The following HS3ST2 variants were observed in gnomAD, a reference collection of about 807,000 sequenced individuals.
HS3ST2 encodes heparan sulfate glucosamine 3-O-sulfotransferase 2.
HS3ST2 carries 17 observed loss-of-function variants against 26.3 expected under a neutral mutation model. The observed-to-expected ratio is 0.65, with a 90% CI of 0.44 to 0.97. The LOEUF is 0.97. Among genes scored for constraint, HS3ST2 ranks in the 50% least tolerant of loss-of-function variants. HS3ST2 has a pLI of 0.00. For synonymous variants in HS3ST2, 237 were observed against 219.2 expected, an observed-to-expected ratio of 1.08 and a Z score of -0.72; for missense variants, 402 against 501.2, an observed-to-expected ratio of 0.80 and a Z score of 1.89.
At chr16:22,875,111 G>A (rs1274394472) in intron 1 of HS3ST2, among the ~76,000 whole-genome samples, 2 of 152,128 alleles carry the variant, frequency 1.3e-5, no homozygotes, top group Non-Finnish European at 2.9e-5. Flanking sequence ...CTAGGGTAAT[G>A]TGTGTGTTTG....
chr16:22,838,360 A>C (rs898463000), intron 1 of HS3ST2, among the ~76,000 whole-genome samples: 2 of 152,022 alleles, frequency 1.3e-5, no homozygotes, highest in African/African-American at 2.4e-5. Flanking sequence ...CTGGAGTTGC[A>C]CCTTTCAGAT....
chr16:22,842,841 T>C (rs1317329588), intron 1 of HS3ST2, among the ~76,000 whole-genome samples: 1 of 152,196 alleles, frequency 6.6e-6, no homozygotes, highest in East Asian at 1.9e-4. Context: ...TTAGAGCATG[T>C]ATTTTTAACA....
intron 1 of HS3ST2, among the ~76,000 whole-genome samples, chr16:22,901,031 T>C (rs1457320546): frequency 6.6e-6 from 1 of 151,902 alleles, no homozygotes; most frequent in Non-Finnish European, 1.5e-5. Flanking sequence ...GGAAATCAAG[T>C]AGAGAAAGAG....
intron 1 of HS3ST2, 87 bp from the exon 2 acceptor site, chr16:22,914,857 C>T: frequency 7.2e-7 from 1 of 1,384,000 alleles, no homozygotes; most frequent in Non-Finnish European, 9.8e-7. Flanking sequence ...ATGCAACAGG[C>T]CCCTGGGTGG....
intron 1 of HS3ST2, among the ~76,000 whole-genome samples, chr16:22,841,251 C>T (rs535564586): frequency 1.3e-5 from 2 of 152,200 alleles, no homozygotes; most frequent in African/African-American, 2.4e-5. Context: ...TTAGTAGAGA[C>T]AGCGTTTCAC....
At chr16:22,848,506 G>T (rs1555512583) in intron 1 of HS3ST2, among the ~76,000 whole-genome samples, 1 of 148,340 alleles carries the variant, frequency 6.7e-6, no homozygotes, top group Non-Finnish European at 1.5e-5. Context: ...AGCTGAAAAA[G>T]AACTTCCATA....
chr16:22,884,852 T>G (rs532246477), intron 1 of HS3ST2, among the ~76,000 whole-genome samples: 1 of 149,976 alleles, frequency 6.7e-6, no homozygotes, highest in African/African-American at 2.4e-5. Context: ...CTGTCTTTTT[T>G]TTTTTTTAAA....
Position 22,824,554 on chromosome 16 carries a change from GCAAACAAA to G in HS3ST2, c.485+9481_485+9488del, listed in dbSNP as rs145348324. On this transcript the variant is annotated intron_variant, in intron 1 of 1. Coordinates refer to ENST00000261374, the MANE Select transcript of HS3ST2 (RefSeq NM_006043.2). ...AGGGCGAGACTCCGCCAAAAAGCAA[GCAAACAAA>G]CAAACAAACAAACAAACAAACCATG... is the stretch of plus-strand genomic sequence containing the variant. Among the ~76,000 whole-genome samples, 7 of 152,096 alleles carry G rather than the reference GCAAACAAA, an allele frequency of 4.6e-5. No homozygotes were observed. The South Asian group carries it at 6.3e-4, about 14-fold the overall frequency.
intron 1 of HS3ST2, among the ~76,000 whole-genome samples, chr16:22,844,568 T>C (rs1290462176): frequency 6.6e-6 from 1 of 152,066 alleles, no homozygotes; most frequent in Non-Finnish European, 1.5e-5. Flanking sequence ...ATCCTCAGTG[T>C]AGGAGGAGGG....
In HS3ST2 at chr16:22,915,115, C is replaced by T; in HGVS notation, c.657C>T (p.Leu219=). The T allele has an allele frequency of 6.2e-7, 1 of 1,614,144 alleles. No individual in the cohort carries two copies. Among genetic ancestry groups the T allele is most frequent in the Non-Finnish European group, 8.5e-7 (1 of 1,180,018 alleles). ...CCATCTCTGATTACACGCAGACACT[C>T]TCCAAGAAGCCCGACATCCCGACCT... ...TRAISDYTQT[L]SKKPDIPTFE... Residue 219 remains leucine, a synonymous_variant, in exon 2 of 2, where the codon CTC becomes CTT. Coordinates refer to ENST00000261374, the MANE Select transcript of HS3ST2 (RefSeq NM_006043.2).
intron 1 of HS3ST2, among the ~76,000 whole-genome samples, chr16:22,865,033 G>A (rs1427964659): frequency 2.1e-4 from 24 of 114,188 alleles, no homozygotes; most frequent in African/African-American, 7.1e-4. Context: ...CCTGGGTGAC[G>A]AGTAAGACCC....
chr16:22,912,895 C>T (rs1902440389), intron 1 of HS3ST2, among the ~76,000 whole-genome samples: 1 of 152,016 alleles, frequency 6.6e-6, no homozygotes, highest in East Asian at 1.9e-4. Context: ...CCTGTTTTAG[C>T]TAGTCCTCAA....
In HS3ST2 at chr16:22,878,704, G is replaced by T. The variant is rs148677916; in HGVS notation, c.486-36240G>T. Among the ~76,000 whole-genome samples, 54 of 152,332 alleles carry T rather than the reference G, an allele frequency of 3.5e-4. No individual in the cohort carries two copies. The East Asian group carries it at 9.0e-3, about 26-fold the overall frequency. On this transcript the variant is annotated intron_variant, in intron 1 of 1. Coordinates refer to ENST00000261374, the MANE Select transcript of HS3ST2 (RefSeq NM_006043.2). ...AGAATTGAGGGTAAGGGGTACCGAGGGAAGGGTGTTCCAATTTTAGACAGG... is the reference window on the plus strand; with the variant it reads ...AGAATTGAGGGTAAGGGGTACCGAGTGAAGGGTGTTCCAATTTTAGACAGG...
At chr16:22,886,295 G>A (rs1902057134) in intron 1 of HS3ST2, among the ~76,000 whole-genome samples, 1 of 152,168 alleles carries the variant, frequency 6.6e-6, no homozygotes, top group Non-Finnish European at 1.5e-5. Flanking sequence ...ATACTAATGG[G>A]CAGAAAACCT....
At chr16:22,850,299 C>T (rs1596613840) in intron 1 of HS3ST2, among the ~76,000 whole-genome samples, 3 of 151,582 alleles carry the variant, frequency 2.0e-5, no homozygotes, top group Admixed American at 1.3e-4. Flanking sequence ...TGTCAGGGCT[C>T]GAATGGGTGT....
In HS3ST2 at chr16:22,866,628, C is replaced by G. The variant is rs1270314072; in HGVS notation, c.486-48316C>G. Among the ~76,000 whole-genome samples the G allele has an allele frequency of 2.0e-5, 3 of 151,670 alleles. No individual in the cohort carries two copies. The East Asian group carries it at 5.8e-4, about 29-fold the overall frequency. On this transcript the variant is annotated intron_variant, in intron 1 of 1. Coordinates refer to ENST00000261374, the MANE Select transcript of HS3ST2 (RefSeq NM_006043.2). Reference sequence around the variant, plus strand: ...CTACAAAGGGCAACATGGCAAGACCCCGTCTCTACAAAATGCAGAAAAATT... The same window carrying G: ...CTACAAAGGGCAACATGGCAAGACCGCGTCTCTACAAAATGCAGAAAAATT...
In HS3ST2 at chr16:22,845,402, A is replaced by C. The variant is rs987251715; in HGVS notation, c.485+30307A>C. Among the ~76,000 whole-genome samples, 48 of 141,040 alleles carry C rather than the reference A, an allele frequency of 3.4e-4. 1 individual carries two copies. Among genetic ancestry groups the C allele is most frequent in the South Asian group, 8.6e-4 (4 of 4,628 alleles). The allele number at this position is 141,040 out of a possible 152,430, so 92.5% of individuals were successfully genotyped here. The stretch of plus-strand genomic sequence containing the variant: ...AGTCTCACACTGTCACCCAGGCTGG[A>C]GTGCAATGGTGTGATCTCGGCTCAC... On this transcript the variant is annotated intron_variant, in intron 1 of 1. Transcript: ENST00000261374.
intron 1 of HS3ST2, among the ~76,000 whole-genome samples, chr16:22,855,016 C>T (rs918927895): frequency 6.6e-6 from 1 of 152,076 alleles, no homozygotes; most frequent in Non-Finnish European, 1.5e-5. Context: ...CTTCTCAACT[C>T]GTCTATGTTT....
intron 1 of HS3ST2, among the ~76,000 whole-genome samples, chr16:22,851,293 C>A (rs778763133): frequency 1.0e-3 from 153 of 152,286 alleles, no homozygotes; most frequent in African/African-American, 3.5e-3. Context: ...TTATATAAAC[C>A]ACCTGCATTT....
Sources: allele counts gnomAD v4.1 joint callset (sites outside exome capture counted in the v4.1 genomes callset), GRCh38; gene constraint gnomAD v4.1.1; transcripts MANE v1.5; gene names NCBI Gene and HGNC (gene_info 2026-07-23, HGNC 2026-07-21).